Variants in SPATA6 observed in about 807,000 individuals in gnomAD.
The protein encoded by SPATA6 is spermatogenesis associated 6.
A neutral mutation model predicts 65.3 loss-of-function variants in SPATA6; 56 were observed. That is an observed-to-expected ratio of 0.86 (90% CI 0.69 to 1.07). The LOEUF (loss-of-function observed/expected upper bound fraction) is 1.07. Ranked by LOEUF, SPATA6 falls within the 50% of genes least tolerant of loss-of-function variation. The pLI is 0.00. For missense variants in SPATA6, 590 were observed against 594.8 expected (o/e 0.99, Z 0.08); for synonymous variants, 199 against 213.2 (o/e 0.93, Z 0.58).
intron 11 of SPATA6, among the ~76,000 whole-genome samples, chr1:48,348,002 G>A (rs1646417340): frequency 6.6e-6 from 1 of 151,958 alleles, no homozygotes; most frequent in Non-Finnish European, 1.5e-5. Flanking sequence ...AATTCTCAGA[G>A]AGGCAGATGT....
intron 3 of SPATA6, among the ~76,000 whole-genome samples, chr1:48,449,295 G>C (rs1416755910): frequency 6.6e-6 from 1 of 152,156 alleles, no homozygotes; most frequent in East Asian, 1.9e-4. Context: ...TATAATGGAG[G>C]AATCAGGCTG....
At chr1:48,395,442 A>G (rs1650496938) in intron 7 of SPATA6, 88 bp from the exon 8 acceptor site, 2 of 821,538 alleles carry the variant, frequency 2.4e-6, no homozygotes, top group Admixed American at 3.9e-5. Context: ...ACTAGAGTAC[A>G]GAGAGCATAT....
rs74571094 is a variant in SPATA6, at chr1:48,457,997, A to G, written c.52-4866T>C. Among the ~76,000 whole-genome samples, 497 of 151,978 alleles carry G rather than the reference A, an allele frequency of 3.3e-3. 2 individuals carry two copies. Among genetic ancestry groups the G allele is most frequent in the African/African-American group, 0.011 (469 of 41,422 alleles). ...TATAAAGGAAGGGAGGGAGAATAGAACAAAATAGAAGAAAGGTTTTCTGTA... is the reference window on the plus strand; with the variant it reads ...TATAAAGGAAGGGAGGGAGAATAGAGCAAAATAGAAGAAAGGTTTTCTGTA... On this transcript the variant is annotated intron_variant, in intron 1 of 12. Coordinates refer to ENST00000371847, the MANE Select transcript of SPATA6 (RefSeq NM_019073.4).
At chr1:48,313,252 C>T (rs1645281824) in intron 11 of SPATA6, among the ~76,000 whole-genome samples, 1 of 152,092 alleles carries the variant, frequency 6.6e-6, no homozygotes, top group South Asian at 2.1e-4. Flanking sequence ...TCAGATTCAC[C>T]AAAGTTTAAA....
rs774292372 is a variant in SPATA6, at chr1:48,311,410, T to C, written c.1195-5532A>G. On this transcript the variant is annotated intron_variant, in intron 11 of 12. Transcript: ENST00000371847. ...GGTAATAAGGAAATGCATGAAATAA[T>C]TGTAAACCAAAATAATTATAGAATT... 3.9e-4 allele frequency among the ~76,000 whole-genome samples: 59 copies of C among 152,186 alleles called. 1 individual carries two copies. The highest frequency in any genetic ancestry group is 6.5e-4 in the Non-Finnish European group (44 of 68,004).
intron 11 of SPATA6, among the ~76,000 whole-genome samples, chr1:48,339,294 CCCT>C (rs1346396016): frequency 6.6e-6 from 1 of 151,990 alleles, no homozygotes; most frequent in Non-Finnish European, 1.5e-5. Context: ...CTGGTTCAGT[CCCT>C]TTTGGATCAA....
chr1:48,268,540 G>T, the SPATA6 span, among the ~76,000 whole-genome samples: 1 of 149,898 alleles, frequency 6.7e-6, no homozygotes, highest in Non-Finnish European at 1.5e-5. Flanking sequence ...TTTATAAAAC[G>T]TAAGTGTGCT....
At chr1:48,342,529 T>A (rs1489833185) in intron 11 of SPATA6, among the ~76,000 whole-genome samples, 1 of 149,706 alleles carries the variant, frequency 6.7e-6, no homozygotes, top group South Asian at 2.1e-4. Flanking sequence ...GGCAGGAGAA[T>A]GGCATGAACC....
chr1:48,464,931 C>G (rs911596411), intron 1 of SPATA6, among the ~76,000 whole-genome samples: 2 of 152,122 alleles, frequency 1.3e-5, no homozygotes, highest in East Asian at 1.9e-4. Context: ...TAAATATATA[C>G]AAGTTTGTCA....
intron 9 of SPATA6, among the ~76,000 whole-genome samples, chr1:48,366,562 G>C (rs1417157601): frequency 6.6e-6 from 1 of 152,176 alleles, no homozygotes; most frequent in Non-Finnish European, 1.5e-5. Context: ...ATTTCTTCTA[G>C]ATTTTCTAGT....
intron 3 of SPATA6, chr1:48,435,929 G>C: frequency 6.4e-7 from 1 of 1,564,576 alleles, no homozygotes; most frequent in Non-Finnish European, 8.8e-7. Context: ...TGGAATAGAT[G>C]GATTTTTGTC....
intron 7 of SPATA6, among the ~76,000 whole-genome samples, chr1:48,397,691 G>A (rs545794914): frequency 1.2e-4 from 18 of 151,556 alleles, no homozygotes; most frequent in African/African-American, 3.9e-4. Flanking sequence ...GAATGGCTAT[G>A]GAGGAAAAAA....
chr1:48,272,726 A>G, the SPATA6 span, among the ~76,000 whole-genome samples: 3 of 152,138 alleles, frequency 2.0e-5, no homozygotes, highest in African/African-American at 7.2e-5. Context: ...ATCATATGAT[A>G]GTTCTATTTT....
chr1:48,399,408 ATT>A lies in SPATA6; in HGVS notation c.721_722del (p.Asn241SerfsTer5). ...EDTRRRLAHL[N>X]LGPYEFKKET... Reference sequence around the variant, plus strand: ...CTTTTTTGAACTCATAGGGTCCCAGATTTAAATGGGCCAGCCGCCGCCTGGTG... The same window carrying A: ...CTTTTTTGAACTCATAGGGTCCCAGATAAATGGGCCAGCCGCCGCCTGGTG... On this transcript the variant is annotated frameshift_variant, in exon 7 of 13. Transcript: ENST00000371847. LOFTEE classifies it high-confidence loss of function. 1 of 1,613,204 alleles carries A rather than the reference ATT, an allele frequency of 6.2e-7. No homozygotes were observed. The highest frequency in any genetic ancestry group is 1.1e-5 in the South Asian group (1 of 91,044).
chr1:48,285,794 T>C, the SPATA6 span, among the ~76,000 whole-genome samples: 1 of 152,130 alleles, frequency 6.6e-6, no homozygotes, highest in Non-Finnish European at 1.5e-5. Context: ...CCCAGTGGGA[T>C]GAGCCAGCTA....
intron 9 of SPATA6, among the ~76,000 whole-genome samples, chr1:48,370,027 C>T (rs1647188195): frequency 6.6e-6 from 1 of 152,126 alleles, no homozygotes; most frequent in Non-Finnish European, 1.5e-5. Flanking sequence ...AAATAAGATT[C>T]CTGAAAAGTT....
chr1:48,290,113 C>A, the SPATA6 span, among the ~76,000 whole-genome samples: 1 of 152,302 alleles, frequency 6.6e-6, no homozygotes, highest in Middle Eastern at 3.4e-3. Context: ...GGTTGGGTTA[C>A]CCACAAAGGG....
At chr1:48,282,416 A>T in the SPATA6 span, among the ~76,000 whole-genome samples, 1 of 152,206 alleles carries the variant, frequency 6.6e-6, no homozygotes, top group African/African-American at 2.4e-5. Context: ...AATGGGAGAA[A>T]ATTTTCACAA....
At chr1:48,410,570 G>C (rs192638868) in intron 5 of SPATA6, among the ~76,000 whole-genome samples, 6 of 152,250 alleles carry the variant, frequency 3.9e-5, no homozygotes, top group Non-Finnish European at 8.8e-5. Context: ...AGAAATATCT[G>C]AGACTGGGTA....
Sources: gnomAD v4.1 joint callset for allele counts (sites outside exome capture counted in the v4.1 genomes callset) on GRCh38, gnomAD v4.1.1 for gene constraint, MANE v1.5 for transcripts, NCBI Gene and HGNC (gene_info 2026-07-23, HGNC 2026-07-21) for gene names.